ABCA9: variants seen among roughly 807,000 people sequenced by gnomAD.
ABCA9 encodes the protein ATP binding cassette subfamily A member 9.
ABCA9 carries 183 observed loss-of-function variants against 205.3 expected under a neutral mutation model. The ratio of observed to expected loss-of-function variants is 0.89; its 90% CI spans 0.79 to 1.01. ABCA9 has a LOEUF of 1.01. ABCA9 is among the 50% of genes least tolerant of loss of function. The pLI is 0.00. For missense variants in ABCA9, 1,805 were observed against 1,912.4 expected, an observed-to-expected ratio of 0.94 and a Z score of 1.05; for synonymous variants, 651 against 683.3, an observed-to-expected ratio of 0.95 and a Z score of 0.74.
At chr17:69,058,197 T>C (rs2072128420) in intron 1 of ABCA9, among the ~76,000 whole-genome samples, 1 of 152,178 alleles carries the variant, frequency 6.6e-6, no homozygotes, top group African/African-American at 2.4e-5. Flanking sequence ...AGTTGACTAA[T>C]AAGGCCTGTG....
chr17:68,978,680 C>T lies in ABCA9; in HGVS notation c.4721-2490G>A, dbSNP rs1356055743. Among the ~76,000 whole-genome samples, 12 of 152,242 alleles carry T rather than the reference C, an allele frequency of 7.9e-5. No homozygotes were observed. The East Asian group carries it at 2.3e-3, about 29-fold the overall frequency. ...CAGGCCTGATGGTGACAAAATCTCT[C>T]AGCATTTGCTTGTCTGTAAAGGACT... On this transcript the variant is annotated intron_variant, in intron 37 of 38. Coordinates refer to ENST00000340001, the MANE Select transcript of ABCA9 (RefSeq NM_080283.4).
upstream of ABCA9, among the ~76,000 whole-genome samples, chr17:69,062,260 C>T (rs1250993015): frequency 6.6e-6 from 1 of 151,824 alleles, no homozygotes; most frequent in Non-Finnish European, 1.5e-5. Flanking sequence ...ACATCGCCAA[C>T]ATTTTGTGCA....
chr17:69,049,558 A>G, intron 2 of ABCA9, 68 bp from the exon 3 acceptor site: 3 of 1,278,996 alleles, frequency 2.3e-6, no homozygotes, highest in Non-Finnish European at 3.2e-6. Context: ...TCATCCACAA[A>G]CAGTTTGAAA....
chr17:69,072,285 A>T, the ABCA9 span, among the ~76,000 whole-genome samples: 12 of 152,174 alleles, frequency 7.9e-5, no homozygotes, highest in Non-Finnish European at 1.3e-4. Context: ...ACCCCAAGAC[A>T]CATAATCATC....
intron 21 of ABCA9, 71 bp from the exon 22 acceptor site, chr17:69,016,461 G>A: frequency 7.3e-7 from 1 of 1,376,872 alleles, no homozygotes; most frequent in Non-Finnish European, 9.7e-7. Context: ...GAACATGTTA[G>A]AAAATCATTC....
At chr17:69,026,283 G>A (rs1405607848) in intron 16 of ABCA9, 94 bp downstream of exon 16, 2 of 966,854 alleles carry the variant, frequency 2.1e-6, no homozygotes, top group Non-Finnish European at 3.2e-6. Context: ...GAACTTAGTG[G>A]TTATAGGGCC....
At chr17:69,052,215 A>G (rs1007273721) in intron 1 of ABCA9, among the ~76,000 whole-genome samples, 2 of 152,126 alleles carry the variant, frequency 1.3e-5, no homozygotes, top group African/African-American at 4.8e-5. Context: ...TATTTTTAAA[A>G]AATCAAAAAA....
chr17:69,008,151 A>G lies in ABCA9; in HGVS notation c.3232T>C (p.Tyr1078His), dbSNP rs544220852. The change falls in exon 24 of 39, where the codon TAC (tyrosine) becomes CAC (histidine). Residue 1078 changes from tyrosine to histidine, a missense_variant. Transcript: ENST00000340001. ...TGCATTAGCAGGAGGATCAAAAAGT[A>G]CAGGGAAACATCCACCAGTGCTTGG... ...FGQALVDVSL[Y>H]FLILLLMQIM... 5 of 1,613,604 alleles carry G rather than the reference A, an allele frequency of 3.1e-6. No individual in the cohort carries two copies. Among genetic ancestry groups the G allele is most frequent in the African/African-American group, 2.7e-5 (2 of 75,058 alleles).
chr17:69,010,446 G>A (rs2070329820), intron 23 of ABCA9, among the ~76,000 whole-genome samples: 1 of 152,062 alleles, frequency 6.6e-6, no homozygotes, highest in Admixed American at 6.6e-5. Flanking sequence ...AGGAAAAGTG[G>A]GGTAGCTAGA....
chr17:68,994,600 C>T (rs1364334916), intron 26 of ABCA9, among the ~76,000 whole-genome samples: 1 of 152,084 alleles, frequency 6.6e-6, no homozygotes, highest in Non-Finnish European at 1.5e-5. Flanking sequence ...CCCCCTTGGC[C>T]AAGTTAATGA....
chr17:69,044,634 T>C (rs367587815), intron 4 of ABCA9, 34 bp from the exon 5 acceptor site: 2 of 1,590,026 alleles, frequency 1.3e-6, no homozygotes, highest in African/African-American at 2.7e-5. Context: ...TATTACGGAA[T>C]GATACAATCT....
intron 27 of ABCA9, 84 bp downstream of exon 27, chr17:68,992,932 A>G: frequency 8.8e-7 from 1 of 1,132,412 alleles, no homozygotes; most frequent in East Asian, 2.4e-5. Flanking sequence ...AAACCTTCTT[A>G]ATTTGATGCA....
chr17:69,055,449 T>A (rs547077573), intron 1 of ABCA9, among the ~76,000 whole-genome samples: 1 of 151,912 alleles, frequency 6.6e-6, no homozygotes, highest in Non-Finnish European at 1.5e-5. Flanking sequence ...TTACATAAAG[T>A]TAAAGGGGTC....
chr17:69,031,777 C>T (rs549405319), intron 10 of ABCA9, among the ~76,000 whole-genome samples: 7 of 151,924 alleles, frequency 4.6e-5, no homozygotes, highest in East Asian at 1.9e-4. Context: ...GCAAGGGAGA[C>T]GATGGCAGTG....
the ABCA9 span, among the ~76,000 whole-genome samples, chr17:69,076,487 G>T: frequency 6.6e-6 from 1 of 152,042 alleles, no homozygotes; most frequent in African/African-American, 2.4e-5. Context: ...TCTTTGTTGT[G>T]TCTTTGCCAG....
Position 69,007,811 on chromosome 17 carries a change from A to G in ABCA9, c.3383T>C (p.Ile1128Thr). 1.2e-6 allele frequency: 2 copies of G among 1,612,276 alleles called. No homozygotes were observed. Among genetic ancestry groups the G allele is most frequent in the Non-Finnish European group, 1.7e-6 (2 of 1,178,644 alleles). ...LVFLTYVISF[I>T]FRNGRKNSGI... ...ACTATTTTTTCTCCCATTGCGAAAAATGAATGAAATCACATATGTCAAGAA... is the reference window on the plus strand; with the variant it reads ...ACTATTTTTTCTCCCATTGCGAAAAGTGAATGAAATCACATATGTCAAGAA... Residue 1128 changes from isoleucine to threonine, a missense_variant, in exon 25 of 39, where the codon ATT becomes ACT. By Grantham distance (89) the Ile-to-Thr change is moderately conservative. Coordinates refer to ENST00000340001, the MANE Select transcript of ABCA9 (RefSeq NM_080283.4).
In ABCA9 at chr17:69,035,760, A is replaced by G. The variant is rs2071316525; in HGVS notation, c.842T>C (p.Met281Thr). 1 of 1,613,746 alleles carries G rather than the reference A, an allele frequency of 6.2e-7. No homozygotes were observed. Among genetic ancestry groups the G allele is most frequent in the Non-Finnish European group, 8.5e-7 (1 of 1,179,792 alleles). Residue 281 changes from methionine to threonine, a missense_variant, in exon 7 of 39, where the codon ATG becomes ACG. By Grantham distance (81) the Met-to-Thr change is moderately conservative (BLOSUM62 -1). Transcript: ENST00000340001. The stretch of plus-strand genomic sequence containing the variant: ...TACAATAAGAGCCATTAAAGTGGCC[A>G]TGATAAGGATGAAGCCAGCATACAT... ...GLMYAGFILIMATLMALIVKS... is the reference protein window; with the variant it reads ...GLMYAGFILITATLMALIVKS...
chr17:69,032,059 C>T (rs1567958889), intron 10 of ABCA9, 49 bp downstream of exon 10: 1 of 1,538,668 alleles, frequency 6.5e-7, no homozygotes, highest in East Asian at 2.2e-5. Context: ...GACAGATCCC[C>T]AGTCTCTGCC....
chr17:69,005,112 G>A (rs553715851), intron 25 of ABCA9, among the ~76,000 whole-genome samples: 8 of 152,266 alleles, frequency 5.3e-5, no homozygotes, highest in South Asian at 2.1e-4. Flanking sequence ...GCTGTAGACC[G>A]GAGCTGTTCC....
Sources: allele counts gnomAD v4.1 joint callset (sites outside exome capture counted in the v4.1 genomes callset), GRCh38; gene constraint gnomAD v4.1.1; transcripts MANE v1.5; gene names NCBI Gene and HGNC (gene_info 2026-07-23, HGNC 2026-07-21).